Variants in GUCY1A2 observed in about 807,000 individuals in gnomAD.
The protein encoded by GUCY1A2 is guanylate cyclase 1 soluble subunit alpha 2.
GUCY1A2 carries 27 observed loss-of-function variants against 63.5 expected under a neutral mutation model. The ratio of observed to expected loss-of-function variants is 0.43; its 90% CI spans 0.31 to 0.59. The LOEUF is 0.59. Ranked by LOEUF, GUCY1A2 falls within the 20% of genes least tolerant of loss-of-function variation. GUCY1A2 has a pLI of 0.11. For missense variants in GUCY1A2, 768 were observed against 913.3 expected (o/e 0.84, Z 2.05); for synonymous variants, 364 against 343.5 (o/e 1.06, Z -0.66).
chr11:106,991,296 C>G (rs913538279), intron 1 of GUCY1A2, among the ~76,000 whole-genome samples: 3 of 152,116 alleles, frequency 2.0e-5, no homozygotes, highest in African/African-American at 7.2e-5. Flanking sequence ...CTGTGCCTGG[C>G]CATTATTTTG....
chr11:107,004,585 C>A (rs146060435), intron 1 of GUCY1A2, among the ~76,000 whole-genome samples: 1 of 152,094 alleles, frequency 6.6e-6, no homozygotes, highest in Non-Finnish European at 1.5e-5. Flanking sequence ...CAGAGAGCAA[C>A]GCTGACAAGG....
intron 1 of GUCY1A2, among the ~76,000 whole-genome samples, chr11:106,987,607 A>AC (rs1446537255): frequency 1.4e-5 from 2 of 139,846 alleles, no homozygotes; most frequent in South Asian, 2.3e-4. Context: ...AGCCAAGATC[A>AC]CCCCCACTGC....
At chr11:106,774,850 CTTCTT>C (rs1383478992) in intron 6 of GUCY1A2, among the ~76,000 whole-genome samples, 2 of 152,148 alleles carry the variant, frequency 1.3e-5, no homozygotes, top group South Asian at 2.1e-4. Flanking sequence ...TTTGTTCTCT[CTTCTT>C]TTCTTAAGCA....
At position 106,675,639 on chromosome 11, in the gene GUCY1A2, C is replaced by A. The variant is rs1862333156; in HGVS notation, c.*11910G>T. On this transcript the variant is annotated 3_prime_UTR_variant, in exon 8 of 8. Transcript: ENST00000526355. ...TTTTACAATCATTATTAAAATATTT[C>A]CCTAAAGAAATACAAATGGTAAAGG... is the stretch of plus-strand genomic sequence containing the variant. 5.3e-6 allele frequency: 1 copy of A among 187,098 alleles called. No individual in the cohort carries two copies. The highest frequency in any genetic ancestry group is 2.3e-5 in the African/African-American group (1 of 42,742). 11.6% of individuals were successfully genotyped at this position (187,098 alleles called of 1,614,324 possible). A position where few individuals can be genotyped will look rare whatever the true frequency, so the allele number is the denominator to read the frequency against.
At chr11:106,884,475 T>C (rs1859871546) in intron 4 of GUCY1A2, among the ~76,000 whole-genome samples, 1 of 152,020 alleles carries the variant, frequency 6.6e-6, no homozygotes, top group African/African-American at 2.4e-5. Context: ...ATGGGAAGAA[T>C]GCTAGGAAGT....
intron 3 of GUCY1A2, among the ~76,000 whole-genome samples, chr11:106,963,239 T>C (rs768480210): frequency 1.3e-5 from 2 of 152,148 alleles, no homozygotes; most frequent in Non-Finnish European, 2.9e-5. Flanking sequence ...GAGGAGAATA[T>C]GTCAATGATT....
intron 6 of GUCY1A2, among the ~76,000 whole-genome samples, chr11:106,771,790 GA>G (rs1864261309): frequency 1.3e-5 from 2 of 152,006 alleles, no homozygotes; most frequent in South Asian, 4.1e-4. Flanking sequence ...TCTCCCTTGG[GA>G]AGAATAAAAA....
chr11:106,683,016 A>T lies in GUCY1A2; in HGVS notation c.*4533T>A, dbSNP rs772761136. 4.6e-6 allele frequency: 1 copy of T among 216,960 alleles called. No individual in the cohort carries two copies. The highest frequency in any genetic ancestry group is 9.3e-6 in the Non-Finnish European group (1 of 107,762). The allele number at this position is 216,960 out of a possible 1,614,324, so 13.4% of individuals were successfully genotyped here. The stretch of plus-strand genomic sequence containing the variant: ...GAAATTGAGTCCATAGCTGAGGTCA[A>T]CTTACCCATTTAACAATAAATTTTG... On this transcript the variant is annotated 3_prime_UTR_variant, in exon 8 of 8. Coordinates refer to ENST00000526355, the MANE Select transcript of GUCY1A2 (RefSeq NM_000855.3).
chr11:106,848,847 C>T (rs2135449125), intron 4 of GUCY1A2, among the ~76,000 whole-genome samples: 1 of 151,692 alleles, frequency 6.6e-6, no homozygotes, highest in East Asian at 1.9e-4. Context: ...GTATCTTGCA[C>T]ATGTGGAATA....
chr11:106,971,716 C>A (rs1425129159), intron 3 of GUCY1A2, among the ~76,000 whole-genome samples: 1 of 152,084 alleles, frequency 6.6e-6, no homozygotes, highest in Non-Finnish European at 1.5e-5. Flanking sequence ...TTAGTCTACA[C>A]ACATATATTC....
intron 1 of GUCY1A2, among the ~76,000 whole-genome samples, chr11:107,015,561 CAAAAAAAAAAAAAAAAAAA>C (rs568139219): frequency 6.2e-4 from 17 of 27,506 alleles, no homozygotes; most frequent in South Asian, 5.6e-3. Flanking sequence ...TTCTCTTAGG[CAAAAAAAAAAAAAAAAAAA>C]AAAAAAAAAA....
At chr11:106,748,397 A>C (rs2135383505) in intron 6 of GUCY1A2, among the ~76,000 whole-genome samples, 2 of 152,346 alleles carry the variant, frequency 1.3e-5, no homozygotes, top group South Asian at 4.1e-4. Flanking sequence ...ACATACTTAT[A>C]CAGGCTGTAT....
Position 106,684,754 on chromosome 11 carries a change from G to A in GUCY1A2, c.*2795C>T, listed in dbSNP as rs189153712. ...CCATTTCCCCAATTTAATATCATTT[G>A]GTTTCTAAGGGAACATCACACAAAT... On this transcript the variant is annotated 3_prime_UTR_variant, in exon 8 of 8. Coordinates refer to ENST00000526355, the MANE Select transcript of GUCY1A2 (RefSeq NM_000855.3). 1 of 205,138 alleles carries A rather than the reference G, an allele frequency of 4.9e-6. No homozygotes were observed. The highest frequency in any genetic ancestry group is 1.0e-5 in the Non-Finnish European group (1 of 100,198). 12.7% of individuals were successfully genotyped at this position (205,138 alleles called of 1,614,324 possible).
chr11:107,008,304 ATCATAC>A (rs1861700199), intron 1 of GUCY1A2, among the ~76,000 whole-genome samples: 1 of 151,372 alleles, frequency 6.6e-6, no homozygotes, highest in South Asian at 2.1e-4. Context: ...AAAAAAGATA[ATCATAC>A]TACCCAAAGT....
At chr11:106,982,053 A>G (rs1861343624) in intron 2 of GUCY1A2, among the ~76,000 whole-genome samples, 1 of 152,184 alleles carries the variant, frequency 6.6e-6, no homozygotes, top group Non-Finnish European at 1.5e-5. Context: ...TTAAGATTTC[A>G]TTTAAACTTC....
intron 3 of GUCY1A2, among the ~76,000 whole-genome samples, chr11:106,948,748 T>C (rs1056108686): frequency 3.3e-5 from 5 of 152,158 alleles, no homozygotes; most frequent in African/African-American, 9.6e-5. Flanking sequence ...TAAATCTGTG[T>C]ATATGAGAAG....
At chr11:106,890,995 T>A (rs1456557368) in intron 4 of GUCY1A2, among the ~76,000 whole-genome samples, 1 of 152,194 alleles carries the variant, frequency 6.6e-6, no homozygotes, top group Non-Finnish European at 1.5e-5. Context: ...TATATTCCCA[T>A]TAATGAAATT....
chr11:106,887,131 C>T (rs996801149), intron 4 of GUCY1A2, among the ~76,000 whole-genome samples: 5 of 151,992 alleles, frequency 3.3e-5, no homozygotes, highest in Admixed American at 1.3e-4. Flanking sequence ...CCCCTTCTTA[C>T]GATTTCATGC....
intron 3 of GUCY1A2, among the ~76,000 whole-genome samples, chr11:106,949,178 G>A (rs1408892762): frequency 6.6e-6 from 1 of 151,614 alleles, no homozygotes; most frequent in African/African-American, 2.4e-5. Flanking sequence ...TTTGTTTTAG[G>A]CCACCATGAT....
Sources: gnomAD v4.1 joint callset for allele counts (sites outside exome capture counted in the v4.1 genomes callset) on GRCh38, gnomAD v4.1.1 for gene constraint, MANE v1.5 for transcripts, NCBI Gene and HGNC (gene_info 2026-07-23, HGNC 2026-07-21) for gene names.